SHISA9: variants seen among roughly 807,000 people sequenced by gnomAD.
The protein encoded by SHISA9 is protein shisa-9.
Under a neutral mutation model 38.0 loss-of-function variants are expected in SHISA9, and 13 were observed. The observed-to-expected ratio is 0.34, with a 90% CI of 0.22 to 0.54. The LOEUF (loss-of-function observed/expected upper bound fraction) is 0.54, where lower values mean the gene tolerates loss of function less well. SHISA9 is among the 20% of genes least tolerant of loss of function. The pLI is 0.91. For missense variants in SHISA9, 538 were observed against 575.8 expected, an observed-to-expected ratio of 0.93 and a Z score of 0.67; for synonymous variants, 275 against 242.0, an observed-to-expected ratio of 1.14 and a Z score of -1.27.
chr16:13,136,803 C>A (rs2050353567), intron 2 of SHISA9, among the ~76,000 whole-genome samples: 2 of 152,116 alleles, frequency 1.3e-5, no homozygotes, highest in African/African-American at 4.8e-5. Context: ...TTACGGCAGC[C>A]TTTTGTTCCC....
chr16:13,518,834 G>A, the SHISA9 span, among the ~76,000 whole-genome samples: 1 of 152,192 alleles, frequency 6.6e-6, no homozygotes, highest in Non-Finnish European at 1.5e-5. Flanking sequence ...AGATCAAAGG[G>A]CCAGCCTGTG....
At chr16:12,915,710 G>A (rs1345536853) in intron 1 of SHISA9, among the ~76,000 whole-genome samples, 1 of 152,210 alleles carries the variant, frequency 6.6e-6, no homozygotes, top group Non-Finnish European at 1.5e-5. Context: ...TGCAGCGGCT[G>A]CAAGGGATGG....
chr16:12,974,633 C>A (rs1459849089), intron 2 of SHISA9, among the ~76,000 whole-genome samples: 1 of 151,766 alleles, frequency 6.6e-6, no homozygotes, highest in Non-Finnish European at 1.5e-5. Context: ...TTACAGGCAC[C>A]CACCACCATG....
At chr16:13,547,149 A>C in the SHISA9 span, among the ~76,000 whole-genome samples, 1 of 152,228 alleles carries the variant, frequency 6.6e-6, no homozygotes, top group Non-Finnish European at 1.5e-5. Flanking sequence ...TAATTCATCC[A>C]ACAAATATTT....
At chr16:13,005,956 G>A (rs749491019) in intron 2 of SHISA9, among the ~76,000 whole-genome samples, 2 of 152,122 alleles carry the variant, frequency 1.3e-5, no homozygotes, top group African/African-American at 2.4e-5. Flanking sequence ...CTCTTATTTC[G>A]GAGAGTTGAG....
At chr16:13,507,192 T>A in the SHISA9 span, among the ~76,000 whole-genome samples, 1 of 151,822 alleles carries the variant, frequency 6.6e-6, no homozygotes, top group Non-Finnish European at 1.5e-5. Context: ...TAATATTTTT[T>A]ATATTATTAT....
At chr16:13,054,092 C>T (rs564650206) in intron 2 of SHISA9, among the ~76,000 whole-genome samples, 1 of 152,250 alleles carries the variant, frequency 6.6e-6, no homozygotes, top group Admixed American at 6.5e-5. Flanking sequence ...TATGAATTTG[C>T]TTTTTTGGTA....
At chr16:12,976,154 C>T (rs1389902642) in intron 2 of SHISA9, among the ~76,000 whole-genome samples, 2 of 152,114 alleles carry the variant, frequency 1.3e-5, no homozygotes, top group Admixed American at 6.5e-5. Flanking sequence ...GTGGCGTGAT[C>T]CCGGCTCACT....
At chr16:13,552,919 C>T in the SHISA9 span, among the ~76,000 whole-genome samples, 6 of 151,976 alleles carry the variant, frequency 3.9e-5, no homozygotes, top group Non-Finnish European at 8.8e-5. Flanking sequence ...AGCAGAGTTT[C>T]TCAACCACAG....
At chr16:13,193,289 G>A (rs1276107466) in intron 2 of SHISA9, among the ~76,000 whole-genome samples, 1 of 152,152 alleles carries the variant, frequency 6.6e-6, no homozygotes, top group Non-Finnish European at 1.5e-5. Flanking sequence ...AAATAGGATG[G>A]TTTAACTTAA....
At chr16:13,260,269 G>T in the SHISA9 span, among the ~76,000 whole-genome samples, 375 of 151,890 alleles carry the variant, frequency 2.5e-3, 1 homozygote, top group South Asian at 8.7e-3. Context: ...GCCTGCCTTG[G>T]CTTCCCAAAG....
the SHISA9 span, among the ~76,000 whole-genome samples, chr16:13,444,749 C>G: frequency 5.1e-4 from 77 of 150,064 alleles, 1 homozygote; most frequent in African/African-American, 1.6e-3. Flanking sequence ...TCCAGAAAGA[C>G]TCCCAGATCT....
intron 2 of SHISA9, among the ~76,000 whole-genome samples, chr16:13,006,859 C>G (rs2141847701): frequency 6.6e-6 from 1 of 152,250 alleles, no homozygotes; most frequent in Non-Finnish European, 1.5e-5. Flanking sequence ...GGTTTTCATG[C>G]TCTACTTTCT....
At chr16:13,211,320 AAAAG>A (rs1347134207) in intron 3 of SHISA9, among the ~76,000 whole-genome samples, 2 of 152,112 alleles carry the variant, frequency 1.3e-5, no homozygotes, top group African/African-American at 2.4e-5. Context: ...AAAGAAAAAA[AAAAG>A]AAAGTAAAAA....
chr16:13,138,681 G>T (rs112044320), intron 2 of SHISA9, among the ~76,000 whole-genome samples: 296 of 152,338 alleles, frequency 1.9e-3, no homozygotes, highest in African/African-American at 6.8e-3. Flanking sequence ...GGGAGTCTTT[G>T]AGCCGTTTAG....
the SHISA9 span, among the ~76,000 whole-genome samples, chr16:13,484,000 A>G: frequency 6.6e-6 from 1 of 152,200 alleles, no homozygotes; most frequent in Non-Finnish European, 1.5e-5. Context: ...CCAGTCAGAA[A>G]TTTCAGAGGC....
At chr16:13,480,704 T>G in the SHISA9 span, among the ~76,000 whole-genome samples, 1 of 152,136 alleles carries the variant, frequency 6.6e-6, no homozygotes, top group African/African-American at 2.4e-5. Flanking sequence ...TTGGAAGCTT[T>G]CTTTCATAGG....
At chr16:13,528,071 A>G in the SHISA9 span, among the ~76,000 whole-genome samples, 2 of 152,166 alleles carry the variant, frequency 1.3e-5, no homozygotes, top group Non-Finnish European at 2.9e-5. Context: ...GGAAAATTAA[A>G]CACTAGTATA....
chr16:12,970,493 ATATATTTTTTTTTTTTTT>A (rs2072064483), intron 2 of SHISA9, among the ~76,000 whole-genome samples: 1 of 30,380 alleles, frequency 3.3e-5, no homozygotes, highest in African/African-American at 1.3e-4. Context: ...ATATATATAT[ATATATTTTTTTTTTTTTT>A]TTTTTTTTTT....
Sources: gnomAD v4.1 joint callset for allele counts (sites outside exome capture counted in the v4.1 genomes callset) on GRCh38, gnomAD v4.1.1 for gene constraint, MANE v1.5 for transcripts, NCBI Gene and HGNC (gene_info 2026-07-23, HGNC 2026-07-21) for gene names.